SMO: variants seen among roughly 807,000 people sequenced by gnomAD.
SMO encodes the protein protein smoothened.
Under a neutral mutation model 81.6 loss-of-function variants are expected in SMO, and 40 were observed. The observed-to-expected ratio is 0.49, with a 90% confidence interval of 0.38 to 0.64. The LOEUF (loss-of-function observed/expected upper bound fraction) is 0.64, where lower values mean the gene tolerates loss of function less well. SMO is among the 30% of genes least tolerant of loss of function. The pLI, the probability that SMO is intolerant of heterozygous loss-of-function variation, is 0.00. For synonymous variants in SMO, 434 were observed against 432.1 expected, an observed-to-expected ratio of 1.00 and a Z score of -0.05; for missense variants, 916 against 1,061.1, an observed-to-expected ratio of 0.86 and a Z score of 1.90.
Position 129,205,771 on chromosome 7 carries a change from T to C in SMO, c.909T>C (p.Leu303=). Residue 303 remains leucine, a synonymous_variant, in exon 4 of 12, where the codon CTT becomes CTC. Transcript: ENST00000249373. ...GCCGTGCAGATGGCACCATGAGGCT[T>C]GGGGAGCCCACGTAGGTGTCTTGGG... ...IVCRADGTMR[L]GEPTSNETLS... The C allele has an allele frequency of 6.2e-7, 1 of 1,606,042 alleles. No homozygotes were observed. Among genetic ancestry groups the C allele is most frequent in the Non-Finnish European group, 8.5e-7 (1 of 1,179,252 alleles).
chr7:129,211,878 C>A lies in SMO; in HGVS notation c.1936+108C>A. The A allele has an allele frequency of 6.7e-7, 1 of 1,483,482 alleles. No individual in the cohort carries two copies. The highest frequency in any genetic ancestry group is 1.2e-5 in the South Asian group (1 of 86,092). The allele number at this position is 1,483,482 out of a possible 1,614,324, so 91.9% of individuals were successfully genotyped here. On this transcript the variant is annotated intron_variant, in intron 11 of 11. Transcript: ENST00000249373. The surrounding 1 kb of genome is among the most constrained non-coding windows in gnomAD (Gnocchi z 4.6). ...GAGGAGGAGGAAGAGGAAGGAAAGGCCCCAGAGGATCTGAAGAGTGGGGCT... is the reference window on the plus strand; with the variant it reads ...GAGGAGGAGGAAGAGGAAGGAAAGGACCCAGAGGATCTGAAGAGTGGGGCT...
chr7:129,190,005 C>T (rs1793459248), intron 1 of SMO, among the ~76,000 whole-genome samples: 1 of 152,078 alleles, frequency 6.6e-6, no homozygotes, highest in Non-Finnish European at 1.5e-5. Flanking sequence ...AAAAGGTAAC[C>T]AGAAAGTTCT....
chr7:129,210,974 G>T lies in SMO; in HGVS notation c.1662G>T (p.Gly554=), dbSNP rs1007935374. The part of the protein sequence containing the change: ...IWRRTWCRLT[G]QSDDEPKRIK... ...TCCCTTCTGCTCTCAGGTTGACTGG[G>T]CAGAGTGACGATGAGCCAAAGCGGA... The change falls in exon 10 of 12, where the codon GGG becomes GGT. Residue 554 remains glycine (G), a synonymous_variant. Transcript: ENST00000249373. The surrounding 1 kb of genome is among the most constrained non-coding windows in gnomAD (Gnocchi z 4.7). The T allele has an allele frequency of 3.1e-6, 5 of 1,609,028 alleles. No individual in the cohort carries two copies. The African/African-American group carries it at 6.7e-5, about 22-fold the overall frequency.
At position 129,208,861 on chromosome 7, in the gene SMO, C is replaced by G. The variant is rs2150652417; in HGVS notation, c.1357+10C>G. 1.2e-6 allele frequency: 2 copies of G among 1,604,920 alleles called. No individual in the cohort carries two copies. The highest frequency in any genetic ancestry group is 1.7e-6 in the Non-Finnish European group (2 of 1,172,498). On this transcript the variant is annotated intron_variant, in intron 7 of 11. Transcript: ENST00000249373. This position sits in a 1 kb window ranked among gnomAD's most constrained non-coding sequence, Gnocchi z 5.2. ...ACCATGCTGCGCCTGGGTGAGTGGCCCCGGGGGACTTCGGTCTGAGGTCCT... is the reference window on the plus strand; with the variant it reads ...ACCATGCTGCGCCTGGGTGAGTGGCGCCGGGGGACTTCGGTCTGAGGTCCT...
chr7:129,204,571 G>C (rs908257241), intron 2 of SMO, among the ~76,000 whole-genome samples: 1 of 152,056 alleles, frequency 6.6e-6, no homozygotes, highest in Non-Finnish European at 1.5e-5. Flanking sequence ...GCTTGAACCC[G>C]GGAGGTGGAG....
chr7:129,211,071 C>G lies in SMO; in HGVS notation c.1759C>G (p.Leu587Val), dbSNP rs2150654784. 1 of 1,613,746 alleles carries G rather than the reference C, an allele frequency of 6.2e-7. No homozygotes were observed. Among genetic ancestry groups the G allele is most frequent in the Non-Finnish European group, 8.5e-7 (1 of 1,179,838 alleles). Residue 587 changes from leucine (L) to valine (V), a missense_variant, in exon 10 of 12, where the codon CTG (leucine) becomes GTG (valine). This residue lies in a region of SMO where 324 missense variants were observed against 312.9 expected (regional missense o/e 1.04). Coordinates refer to ENST00000249373, the MANE Select transcript of SMO (RefSeq NM_005631.5). The surrounding 1 kb of genome is among the most constrained non-coding windows in gnomAD (Gnocchi z 4.6). ...GCTCCTGCAGAACCCAGGCCAGGAGCTGTCCTTCAGCATGCACACTGTGTC... is the reference window on the plus strand; with the variant it reads ...GCTCCTGCAGAACCCAGGCCAGGAGGTGTCCTTCAGCATGCACACTGTGTC... The part of the protein sequence containing the change: ...HELLQNPGQE[L>V]SFSMHTVSHD...
chr7:129,211,936 G>T lies in SMO; in HGVS notation c.1937-88G>T. On this transcript the variant is annotated intron_variant, in intron 11 of 11. Coordinates refer to ENST00000249373, the MANE Select transcript of SMO (RefSeq NM_005631.5). This position sits in a 1 kb window ranked among gnomAD's most constrained non-coding sequence, Gnocchi z 4.6. Reference sequence around the variant, plus strand: ...TAAGAGTCTAGAGACCTGGGCCCCAGAACTAACAGGTTAAGTGCTCCCAGG... The same window carrying T: ...TAAGAGTCTAGAGACCTGGGCCCCATAACTAACAGGTTAAGTGCTCCCAGG... 1 of 1,435,546 alleles carries T rather than the reference G, an allele frequency of 7.0e-7. No homozygotes were observed. Among genetic ancestry groups the T allele is most frequent in the Non-Finnish European group, 9.4e-7 (1 of 1,067,668 alleles). 88.9% of individuals were successfully genotyped at this position (1,435,546 alleles called of 1,614,324 possible).
Position 129,209,334 on chromosome 7 carries a change from G to T in SMO, c.1403G>T (p.Ser468Ile), listed in dbSNP as rs773739100. 1.2e-6 allele frequency: 2 copies of T among 1,613,694 alleles called. No homozygotes were observed. Among genetic ancestry groups the T allele is most frequent in the East Asian group, 2.2e-5 (1 of 44,884 alleles). ...TTTGGCTTTGTGCTCATTACCTTCA[G>T]CTGCCACTTCTACGACTTCTTCAAC... ...LAFGFVLITF[S>I]CHFYDFFNQA... Residue 468 changes from serine (S) to isoleucine (I), a missense_variant, in exon 8 of 12, where the codon AGC (serine) becomes ATC (isoleucine). This residue lies in a region of SMO where 436 missense variants were observed against 570.9 expected (regional missense o/e 0.76). Transcript: ENST00000249373.
chr7:129,205,273 C>A lies in SMO; in HGVS notation c.608C>A (p.Pro203His), dbSNP rs2150648224. 2.5e-6 allele frequency: 4 copies of A among 1,614,236 alleles called. No homozygotes were observed. Among genetic ancestry groups the A allele is most frequent in the Non-Finnish European group, 3.4e-6 (4 of 1,180,036 alleles). ...GTGCCCTTGGTTCGGACAGACAACC[C>A]CAAGAGCTGGTACGAGGACGTGGAG... ...CEVPLVRTDN[P>H]KSWYEDVEGC... Residue 203 changes from proline to histidine, a missense_variant, in exon 3 of 12, where the codon CCC becomes CAC. This residue lies in a region of SMO where 436 missense variants were observed against 570.9 expected (regional missense o/e 0.76). Coordinates refer to ENST00000249373, the MANE Select transcript of SMO (RefSeq NM_005631.5).
In SMO at chr7:129,202,136, G is replaced by A. The variant is rs563340063; in HGVS notation, c.332-1248G>A. 2.8e-4 allele frequency among the ~76,000 whole-genome samples: 42 copies of A among 152,248 alleles called. 1 individual carries two copies. Among genetic ancestry groups the A allele is most frequent in the African/African-American group, 9.1e-4 (38 of 41,554 alleles). Reference sequence around the variant, plus strand: ...TCATAAGAGTTAACATTTCCTGAGCGCTTACTACATGACAGGTACTGTGCC... The same window carrying A: ...TCATAAGAGTTAACATTTCCTGAGCACTTACTACATGACAGGTACTGTGCC... On this transcript the variant is annotated intron_variant, in intron 1 of 11. Coordinates refer to ENST00000249373, the MANE Select transcript of SMO (RefSeq NM_005631.5).
rs766775464 is a variant in SMO, at chr7:129,209,347, C to T, written c.1416C>T (p.Tyr472=). Residue 472 remains tyrosine, a synonymous_variant, in exon 8 of 12, where the codon TAC becomes TAT. Transcript: ENST00000249373. ...FVLITFSCHF[Y]DFFNQAEWER... ...TCATTACCTTCAGCTGCCACTTCTA[C>T]GACTTCTTCAACCAGGCTGAGTGGG... is the stretch of plus-strand genomic sequence containing the variant. 12 of 1,613,974 alleles carry T rather than the reference C, an allele frequency of 7.4e-6. No homozygotes were observed. Among genetic ancestry groups the T allele is most frequent in the Admixed American group, 1.7e-5 (1 of 60,006 alleles).
intron 1 of SMO, among the ~76,000 whole-genome samples, chr7:129,194,796 T>G (rs1389596041): frequency 1.3e-5 from 2 of 152,180 alleles, no homozygotes. Flanking sequence ...TTTGTTTTTG[T>G]TTTTTTGAGA....
intron 1 of SMO, among the ~76,000 whole-genome samples, chr7:129,192,042 T>TA (rs550902367): frequency 0.012 from 1,721 of 141,540 alleles, 19 homozygotes; most frequent in East Asian, 0.03. Flanking sequence ...ACCTTGCCTC[T>TA]AAAAAAAAAA....
rs2150654369 is a variant in SMO, at chr7:129,210,883, G to A, written c.1653-82G>A. 6.8e-7 allele frequency: 1 copy of A among 1,473,130 alleles called. No homozygotes were observed. The highest frequency in any genetic ancestry group is 9.2e-7 in the Non-Finnish European group (1 of 1,089,318). 91.3% of individuals were successfully genotyped at this position (1,473,130 alleles called of 1,614,324 possible). A position where few individuals can be genotyped will look rare whatever the true frequency, so the allele number is the denominator to read the frequency against. ...CCTTGGGAGCCTCCTTCTCTGGAAA[G>A]AATGGCATCGCTGGCCCTTCCCAAG... On this transcript the variant is annotated intron_variant, in intron 9 of 11. Transcript: ENST00000249373. This position sits in a 1 kb window ranked among gnomAD's most constrained non-coding sequence, Gnocchi z 4.7.
rs1036670562 is a variant in SMO, at chr7:129,189,775, G to A, written c.331+293G>A. Among the ~76,000 whole-genome samples the A allele has an allele frequency of 1.3e-5, 2 of 152,154 alleles. No individual in the cohort carries two copies. The highest frequency in any genetic ancestry group is 2.9e-5 in the Non-Finnish European group (2 of 68,034). On this transcript the variant is annotated intron_variant, in intron 1 of 11. Coordinates refer to ENST00000249373, the MANE Select transcript of SMO (RefSeq NM_005631.5). This position sits in a 1 kb window ranked among gnomAD's most constrained non-coding sequence, Gnocchi z 4.7. ...CCGTGAGGAGGTGGCTCTAAGCCAC[G>A]GGAAAAGACATTTTGTAAGAAGAGG...
At position 129,212,139 on chromosome 7, in the gene SMO, G is replaced by A. The variant is rs77320475; in HGVS notation, c.2052G>A (p.Pro684=). The change falls in exon 12 of 12, where the codon CCG becomes CCA. Residue 684 remains proline (P), a synonymous_variant. Transcript: ENST00000249373. The surrounding 1 kb of genome is among the most constrained non-coding windows in gnomAD (Gnocchi z 5.0). ...GGAAGAGGAAGAAGGAGGTGTGCCC[G>A]CTGGCGCCGCCCCCTGAGCTTCACC... The part of the protein sequence containing the change: ...KRRKRKKEVC[P]LAPPPELHPP... The A allele has an allele frequency of 0.02, 31,205 of 1,558,618 alleles. 378 individuals carry two copies. Among genetic ancestry groups the A allele is most frequent in the Non-Finnish European group, 0.024 (28,101 of 1,151,568 alleles).
At position 129,212,270 on chromosome 7, in the gene SMO, G is replaced by C. The variant is rs758584897; in HGVS notation, c.2183G>C (p.Gly728Ala). ...AWGAGDSCRQ[G>A]AWTLVSNPFC... is the part of the protein sequence containing the mutation. ...GGAGCTGGGGACTCTTGCCGACAGG[G>C]AGCGTGGACCCTGGTCTCCAACCCA... Residue 728 changes from glycine (G) to alanine (A), a missense_variant, in exon 12 of 12, where the codon GGA (glycine) becomes GCA (alanine). Gly to Ala is a moderately conservative substitution (Grantham distance 60). Coordinates refer to ENST00000249373, the MANE Select transcript of SMO (RefSeq NM_005631.5). This position sits in a 1 kb window ranked among gnomAD's most constrained non-coding sequence, Gnocchi z 5.0. The C allele has an allele frequency of 1.2e-6, 2 of 1,611,882 alleles. No individual in the cohort carries two copies. Among genetic ancestry groups the C allele is most frequent in the Non-Finnish European group, 1.7e-6 (2 of 1,179,058 alleles).
chr7:129,203,315 A>G, intron 1 of SMO, 69 bp from the exon 2 acceptor site: 1 of 1,203,728 alleles, frequency 8.3e-7, no homozygotes, highest in African/African-American at 1.5e-5. Context: ...CCTGGAGGAC[A>G]GGGGTGAAGC....
chr7:129,203,626 G>T, intron 2 of SMO, 37 bp downstream of exon 2: 2 of 1,543,468 alleles, frequency 1.3e-6, no homozygotes, highest in Non-Finnish European at 1.8e-6. Flanking sequence ...GGCTCTCTGG[G>T]TTGGGCAGGA....
Sources: gnomAD v4.1 joint callset for allele counts (sites outside exome capture counted in the v4.1 genomes callset) on GRCh38, gnomAD v4.1.1 for gene constraint, gnomAD v4.1.1 regional missense constraint, Gnocchi (gnomAD v3.1) non-coding constraint, MANE v1.5 for transcripts, NCBI Gene and HGNC (gene_info 2026-07-23, HGNC 2026-07-21) for gene names.